Variants in NXPH1 observed in about 807,000 individuals in gnomAD.
NXPH1 encodes neurexophilin 1.
Under a neutral mutation model 23.7 loss-of-function variants are expected in NXPH1, and 5 were observed. The observed-to-expected ratio is 0.21, with a 90% CI of 0.11 to 0.44. NXPH1 has a LOEUF of 0.44. Ranked by LOEUF, NXPH1 falls within the 20% of genes least tolerant of loss-of-function variation. The probability of loss-of-function intolerance (pLI) is 0.99; values close to 1 mark genes in which losing one functional copy is unlikely to be tolerated. For synonymous variants in NXPH1, 144 were observed against 122.2 expected (o/e 1.18, Z -1.18); for missense variants, 324 against 321.6 (o/e 1.01, Z -0.06).
chr7:8,669,251 G>T (rs1433449279), intron 2 of NXPH1, among the ~76,000 whole-genome samples: 2 of 152,204 alleles, frequency 1.3e-5, no homozygotes, highest in African/African-American at 4.8e-5. Context: ...AAGACCAGGA[G>T]TGCTTAGCTA....
At position 8,478,972 on chromosome 7, in the gene NXPH1, T is replaced by A. The variant is rs1207402442; in HGVS notation, c.54+43205T>A. On this transcript the variant is annotated intron_variant, in intron 2 of 2. Transcript: ENST00000405863. ...CAAATAATGTTGTTCCCTTGAGAAC[T>A]TTCTGAGAGATCTACTAAAGAATGA... is the stretch of plus-strand genomic sequence containing the variant. 9.2e-5 allele frequency among the ~76,000 whole-genome samples: 14 copies of A among 152,214 alleles called. No individual in the cohort carries two copies. The South Asian group carries it at 2.9e-3, about 32-fold the overall frequency.
chr7:8,676,030 A>C (rs1487289865), intron 2 of NXPH1, among the ~76,000 whole-genome samples: 4 of 152,130 alleles, frequency 2.6e-5, no homozygotes, highest in Non-Finnish European at 5.9e-5. Context: ...TTGCAAGCAG[A>C]GTCTGGATGT....
rs565289631 is a variant in NXPH1, at chr7:8,711,382, A to G, written c.55-39626A>G. On this transcript the variant is annotated intron_variant, in intron 2 of 2. Transcript: ENST00000405863. ...GTATATTTTTTTCATGAAAGGATTT[A>G]CTATATCCTTTCTAGAGGCCTAACA... 3.9e-5 allele frequency among the ~76,000 whole-genome samples: 6 copies of G among 152,304 alleles called. No homozygotes were observed. In the East Asian group the frequency reaches 9.6e-4, roughly 24 times the overall value.
chr7:8,539,612 C>T (rs929153084), intron 2 of NXPH1, among the ~76,000 whole-genome samples: 3 of 151,826 alleles, frequency 2.0e-5, no homozygotes, highest in African/African-American at 7.2e-5. Context: ...TTATAAAATA[C>T]CGTATTGGAT....
intron 2 of NXPH1, among the ~76,000 whole-genome samples, chr7:8,701,747 G>T (rs1389104712): frequency 6.6e-6 from 1 of 152,066 alleles, no homozygotes; most frequent in Non-Finnish European, 1.5e-5. Flanking sequence ...AAGATAGTCA[G>T]TAAATATTTG....
chr7:8,474,301 T>C (rs1301989043), intron 2 of NXPH1, among the ~76,000 whole-genome samples: 1 of 152,122 alleles, frequency 6.6e-6, no homozygotes, highest in African/African-American at 2.4e-5. Context: ...TTCTATCAAA[T>C]GGGTGCTGAG....
At chr7:8,471,167 C>T (rs111512005) in intron 2 of NXPH1, among the ~76,000 whole-genome samples, 62 of 152,026 alleles carry the variant, frequency 4.1e-4, no homozygotes, top group Non-Finnish European at 7.4e-4. Flanking sequence ...GTGGAACTGC[C>T]GAGTTTAGCG....
Position 8,557,248 on chromosome 7 carries a change from G to A in NXPH1, c.54+121481G>A, listed in dbSNP as rs919443063. ...TCCCGGGCTTTTGTTAGTCTTAAAA[G>A]GGCATGCATTGTAAATGCTTAAGTG... is the stretch of plus-strand genomic sequence containing the variant. On this transcript the variant is annotated intron_variant, in intron 2 of 2. Transcript: ENST00000405863. Among the ~76,000 whole-genome samples, 3 of 151,136 alleles carry A rather than the reference G, an allele frequency of 2.0e-5. No homozygotes were observed. In the South Asian group the frequency reaches 6.2e-4, roughly 31 times the overall value.
intron 2 of NXPH1, among the ~76,000 whole-genome samples, chr7:8,615,651 C>A (rs138373031): frequency 3.1e-3 from 479 of 152,150 alleles, no homozygotes; most frequent in African/African-American, 0.011. Context: ...TCCCTCTTTC[C>A]TTCTTTCCCT....
intron 2 of NXPH1, among the ~76,000 whole-genome samples, chr7:8,466,222 G>A (rs1563318545): frequency 6.6e-6 from 1 of 152,176 alleles, no homozygotes; most frequent in Non-Finnish European, 1.5e-5. Flanking sequence ...TTTGTTGAAT[G>A]AGCTTTTGAA....
At chr7:8,703,426 C>T (rs917551094) in intron 2 of NXPH1, among the ~76,000 whole-genome samples, 2 of 151,930 alleles carry the variant, frequency 1.3e-5, no homozygotes, top group Non-Finnish European at 2.9e-5. Context: ...TTTTGTTTTC[C>T]TGAAAAAATC....
chr7:8,559,347 C>T lies in NXPH1; in HGVS notation c.54+123580C>T, dbSNP rs552221652. On this transcript the variant is annotated intron_variant, in intron 2 of 2. Transcript: ENST00000405863. The stretch of plus-strand genomic sequence containing the variant: ...AGTCCTTTCTTTCTTCTGTCACCTC[C>T]CGAGTGTCTTAGAAGATCTGTATTT... 2.9e-3 allele frequency among the ~76,000 whole-genome samples: 438 copies of T among 151,788 alleles called. 1 individual carries two copies. Among genetic ancestry groups the T allele is most frequent in the Non-Finnish European group, 4.0e-3 (274 of 67,768 alleles).
rs574452019 is a variant in NXPH1, at chr7:8,746,586, T to G, written c.55-4422T>G. 6.6e-5 allele frequency among the ~76,000 whole-genome samples: 10 copies of G among 152,368 alleles called. No individual in the cohort carries two copies. The South Asian group carries it at 8.3e-4, about 13-fold the overall frequency. ...CACTTTCAAAAATATATGCTTGCTT[T>G]CTTTCCTTTTCAACATTTCAATTCA... On this transcript the variant is annotated intron_variant, in intron 2 of 2. Coordinates refer to ENST00000405863, the MANE Select transcript of NXPH1 (RefSeq NM_152745.3).
At chr7:8,642,565 C>A (rs1335234053) in intron 2 of NXPH1, among the ~76,000 whole-genome samples, 1 of 152,008 alleles carries the variant, frequency 6.6e-6, no homozygotes, top group Non-Finnish European at 1.5e-5. Context: ...AATACTTTAT[C>A]TTTTTAATGT....
At chr7:8,567,800 A>G (rs899498072) in intron 2 of NXPH1, among the ~76,000 whole-genome samples, 4 of 151,838 alleles carry the variant, frequency 2.6e-5, no homozygotes, top group Non-Finnish European at 5.9e-5. Context: ...TTAAAGGAGA[A>G]CATATGGTCT....
chr7:8,627,779 A>G (rs1293677358), intron 2 of NXPH1, among the ~76,000 whole-genome samples: 1 of 152,148 alleles, frequency 6.6e-6, no homozygotes, highest in African/African-American at 2.4e-5. Flanking sequence ...AGAAGCTGCT[A>G]GAGAGTGTAT....
At chr7:8,489,159 T>C (rs537523018) in intron 2 of NXPH1, among the ~76,000 whole-genome samples, 11 of 152,156 alleles carry the variant, frequency 7.2e-5, no homozygotes, top group African/African-American at 2.4e-4. Context: ...GAGGGTAAAA[T>C]AACAGCAACG....
chr7:8,673,197 T>A (rs1424370222), intron 2 of NXPH1, among the ~76,000 whole-genome samples: 1 of 152,116 alleles, frequency 6.6e-6, no homozygotes, highest in African/African-American at 2.4e-5. Context: ...AAAAGGAATA[T>A]AAATTGGCTT....
intron 2 of NXPH1, among the ~76,000 whole-genome samples, chr7:8,625,315 T>A: frequency 6.6e-6 from 1 of 152,160 alleles, no homozygotes; most frequent in East Asian, 1.9e-4. Flanking sequence ...GATGATATAT[T>A]ATGTTGCTAT....
Sources: allele counts gnomAD v4.1 joint callset (sites outside exome capture counted in the v4.1 genomes callset), GRCh38; gene constraint gnomAD v4.1.1; transcripts MANE v1.5; gene names NCBI Gene and HGNC (gene_info 2026-07-23, HGNC 2026-07-21).